The following ZNF276 variants were observed in gnomAD, a reference collection of about 807,000 sequenced individuals.
ZNF276 encodes the protein centromere protein Z.
ZNF276 carries 59 observed loss-of-function variants against 63.9 expected under a neutral mutation model. The ratio of observed to expected loss-of-function variants is 0.92; its 90% CI spans 0.75 to 1.15. The LOEUF is 1.15. ZNF276 is among the 50% of genes most tolerant of loss of function. ZNF276 has a pLI of 0.00. For synonymous variants in ZNF276, 496 were observed against 348.4 expected, an observed-to-expected ratio of 1.42 and a Z score of -4.72; for missense variants, 1,084 against 843.8, an observed-to-expected ratio of 1.28 and a Z score of -3.53.
intron 4 of ZNF276, among the ~76,000 whole-genome samples, chr16:89,726,937 C>T (rs1346068184): frequency 6.6e-6 from 1 of 152,212 alleles, no homozygotes; most frequent in South Asian, 2.1e-4. Context: ...AGCCACCGTG[C>T]CTGGCCTAGT....
intron 8 of ZNF276, 87 bp from the exon 9 acceptor site, chr16:89,733,834 C>A: frequency 7.9e-7 from 1 of 1,272,390 alleles, no homozygotes. Context: ...ATCTGCCTTC[C>A]AGGGGCCTCA....
chr16:89,738,933 C>G lies in ZNF276; in HGVS notation c.*687C>G. 6.2e-7 allele frequency: 1 copy of G among 1,614,264 alleles called. No individual in the cohort carries two copies. Among genetic ancestry groups the G allele is most frequent in the Non-Finnish European group, 8.5e-7 (1 of 1,180,054 alleles). Reference sequence around the variant, plus strand: ...TCGGGCACCGAGGTATTAACTGCAGCAGAAAAAGACGAGCTTTTGTTATCA... The same window carrying G: ...TCGGGCACCGAGGTATTAACTGCAGGAGAAAAAGACGAGCTTTTGTTATCA... On this transcript the variant is annotated 3_prime_UTR_variant, in exon 11 of 11. Transcript: ENST00000443381.
At position 89,729,252 on chromosome 16, in the gene ZNF276, A is replaced by G. The variant is rs370804786; in HGVS notation, c.1103A>G (p.Asp368Gly). Residue 368 changes from aspartate to glycine, a missense_variant, in exon 6 of 11, where the codon GAT becomes GGT. By Grantham distance (94) the Asp-to-Gly change is moderately conservative. Transcript: ENST00000443381. ...ATTCCTAGAGACGTCTTGAGTGAAGATGAAAATGACAAGAAGCAAAATGCC... is the reference window on the plus strand; with the variant it reads ...ATTCCTAGAGACGTCTTGAGTGAAGGTGAAAATGACAAGAAGCAAAATGCC... ...DLSEGDVLSE[D>G]ENDKKQNAQS... 19 of 1,614,038 alleles carry G rather than the reference A, an allele frequency of 1.2e-5. No homozygotes were observed. The East Asian group carries it at 3.8e-4, about 32-fold the overall frequency.
At chr16:89,736,398 C>T (rs1484490970) in intron 9 of ZNF276, among the ~76,000 whole-genome samples, 1 of 150,648 alleles carries the variant, frequency 6.6e-6, no homozygotes, top group African/African-American at 2.4e-5. Flanking sequence ...AATCTCAGCT[C>T]ACTGCAACCT....
At chr16:89,727,710 G>A (rs1276923820) in intron 5 of ZNF276, among the ~76,000 whole-genome samples, 1 of 152,224 alleles carries the variant, frequency 6.6e-6, no homozygotes, top group Non-Finnish European at 1.5e-5. Context: ...ACCCAGAGCA[G>A]CCTAGAAATG....
Position 89,722,202 on chromosome 16 carries a change from A to T in ZNF276, c.206-329A>T, listed in dbSNP as rs543576116. On this transcript the variant is annotated intron_variant, in intron 1 of 10. Transcript: ENST00000443381. ...GAGGCGGCACCTGCAATTGGCAGACAGGAAACCGCGGCGTTTCCTGGAGGG... is the reference window on the plus strand; with the variant it reads ...GAGGCGGCACCTGCAATTGGCAGACTGGAAACCGCGGCGTTTCCTGGAGGG... Among the ~76,000 whole-genome samples the T allele has an allele frequency of 8.5e-5, 13 of 152,244 alleles. No homozygotes were observed. In the East Asian group the frequency reaches 2.5e-3, roughly 29 times the overall value.
Position 89,739,521 on chromosome 16 carries a change from C to T in ZNF276, c.*1275C>T, listed in dbSNP as rs1240220355. ...AGCAGCCTGGTGTGCTGATCCGGGG[C>T]CACACGGAGGAGGAGCCGCCCCAGC... On this transcript the variant is annotated 3_prime_UTR_variant, in exon 11 of 11. Transcript: ENST00000443381. 6.4e-7 allele frequency: 1 copy of T among 1,551,362 alleles called. No homozygotes were observed. The highest frequency in any genetic ancestry group is 8.7e-7 in the Non-Finnish European group (1 of 1,147,112).
intron 2 of ZNF276, 126 bp from the exon 3 acceptor site, chr16:89,723,011 G>C (rs757306542): frequency 3.1e-6 from 5 of 1,594,854 alleles, no homozygotes; most frequent in Non-Finnish European, 4.3e-6. Flanking sequence ...GGAGGAGCTG[G>C]GGTGAGGGAA....
At chr16:89,736,491 A>T (rs1156532703) in intron 9 of ZNF276, among the ~76,000 whole-genome samples, 2 of 151,456 alleles carry the variant, frequency 1.3e-5, no homozygotes, top group African/African-American at 4.9e-5. Context: ...CACCTGGCTA[A>T]TTTTTGTATT....
At chr16:89,737,631 G>A (rs1326078503) in intron 9 of ZNF276, 175 bp from the exon 10 acceptor site, 5 of 1,252,510 alleles carry the variant, frequency 4.0e-6, no homozygotes, top group Non-Finnish European at 5.4e-6. Context: ...AGTGTATAAA[G>A]CAGTTTAAAG....
chr16:89,728,603 T>G (rs894300193), intron 5 of ZNF276, among the ~76,000 whole-genome samples: 1 of 151,804 alleles, frequency 6.6e-6, no homozygotes, highest in African/African-American at 2.4e-5. Flanking sequence ...GGGGTTTCAC[T>G]TTGTTAGCCG....
At position 89,727,416 on chromosome 16, in the gene ZNF276, C is replaced by T. The variant is rs969705929; in HGVS notation, c.1085+59C>T. 10 of 1,566,578 alleles carry T rather than the reference C, an allele frequency of 6.4e-6. No homozygotes were observed. The Admixed American group carries it at 1.2e-4, about 19-fold the overall frequency. Reference sequence around the variant, plus strand: ...TTCTCCTTCAAAAACCATCAGTGACCTTTCTGAGGGGTGAGAGAAGAGTGG... The same window carrying T: ...TTCTCCTTCAAAAACCATCAGTGACTTTTCTGAGGGGTGAGAGAAGAGTGG... On this transcript the variant is annotated intron_variant, in intron 5 of 10. Transcript: ENST00000443381.
At chr16:89,729,426 G>A (rs1025213261) in intron 6 of ZNF276, 108 bp downstream of exon 6, 3 of 1,009,906 alleles carry the variant, frequency 3.0e-6, no homozygotes, top group Admixed American at 2.1e-5. Context: ...TCTCTCGTGT[G>A]CGGATCTCCC....
intron 9 of ZNF276, chr16:89,737,558 T>A: frequency 3.6e-6 from 2 of 555,734 alleles, no homozygotes; most frequent in Non-Finnish European, 5.9e-6. Context: ...GTTAAGGAAA[T>A]AGCTTTCTGA....
rs2151709886 is a variant in ZNF276, at chr16:89,738,682, G to A, written c.*436G>A. 6.2e-7 allele frequency: 1 copy of A among 1,613,976 alleles called. No individual in the cohort carries two copies. Among genetic ancestry groups the A allele is most frequent in the Non-Finnish European group, 8.5e-7 (1 of 1,180,008 alleles). ...TCTGGAGGGCGGCGCTCACCTCTGGGTCGCAGTCCCCACGATCAGCCAGCA... is the reference window on the plus strand; with the variant it reads ...TCTGGAGGGCGGCGCTCACCTCTGGATCGCAGTCCCCACGATCAGCCAGCA... On this transcript the variant is annotated 3_prime_UTR_variant, in exon 11 of 11. Coordinates refer to ENST00000443381, the MANE Select transcript of ZNF276 (RefSeq NM_001113525.2).
Position 89,739,118 on chromosome 16 carries a change from G to C in ZNF276, c.*872G>C. The C allele has an allele frequency of 6.2e-7, 1 of 1,614,064 alleles. No homozygotes were observed. The highest frequency in any genetic ancestry group is 8.5e-7 in the Non-Finnish European group (1 of 1,179,970). ...GGGGAGCTCCCCTGGAGGTGGGACT[G>C]GCCCTTGCACCTGCCTGACCCTTGA... On this transcript the variant is annotated 3_prime_UTR_variant, in exon 11 of 11. Coordinates refer to ENST00000443381, the MANE Select transcript of ZNF276 (RefSeq NM_001113525.2).
chr16:89,724,411 C>T lies in ZNF276; in HGVS notation c.1006+702C>T, dbSNP rs552915676. 2.6e-5 allele frequency among the ~76,000 whole-genome samples: 4 copies of T among 152,310 alleles called. No individual in the cohort carries two copies. The East Asian group carries it at 7.7e-4, about 29-fold the overall frequency. The stretch of plus-strand genomic sequence containing the variant: ...CCTGTAATCCCAGCACTTTGGGAGG[C>T]TGAGGTGGGTGGATCACTTGAGGTC... On this transcript the variant is annotated intron_variant, in intron 4 of 10. Coordinates refer to ENST00000443381, the MANE Select transcript of ZNF276 (RefSeq NM_001113525.2).
At chr16:89,737,249 C>T (rs561133690) in intron 9 of ZNF276, among the ~76,000 whole-genome samples, 6 of 152,246 alleles carry the variant, frequency 3.9e-5, no homozygotes, top group South Asian at 2.1e-4. Context: ...AGGCCAGGCA[C>T]GGTGGCTCAC....
Position 89,723,649 on chromosome 16 carries a change from G to C in ZNF276, c.946G>C (p.Ala316Pro). The change falls in exon 4 of 11, where the codon GCG (alanine) becomes CCG (proline). Residue 316 changes from alanine (A) to proline (P), a missense_variant. By Grantham distance (27) the Ala-to-Pro change is conservative (BLOSUM62 -1). Coordinates refer to ENST00000443381, the MANE Select transcript of ZNF276 (RefSeq NM_001113525.2). Reference protein sequence around the residue: ...DVAQPPSDSDAVGPRSGFPPQ... With the variant: ...DVAQPPSDSDPVGPRSGFPPQ... Reference sequence around the variant, plus strand: ...GGCCCAGCCTCCTTCGGACAGCGACGCGGTGGGGCCCAGGTCGGGCTTCCC... The same window carrying C: ...GGCCCAGCCTCCTTCGGACAGCGACCCGGTGGGGCCCAGGTCGGGCTTCCC... 6.2e-7 allele frequency: 1 copy of C among 1,612,602 alleles called. No homozygotes were observed. The highest frequency in any genetic ancestry group is 1.1e-5 in the South Asian group (1 of 91,082).
Sources: gnomAD v4.1 joint callset for allele counts (sites outside exome capture counted in the v4.1 genomes callset) on GRCh38, gnomAD v4.1.1 for gene constraint, MANE v1.5 for transcripts, NCBI Gene and HGNC (gene_info 2026-07-23, HGNC 2026-07-21) for gene names.